Variants in CMTM8 observed in about 807,000 individuals in gnomAD.
CMTM8 encodes the protein CKLF like MARVEL transmembrane domain containing 8.
CMTM8 carries 12 observed loss-of-function variants against 18.6 expected under a neutral mutation model. That is an observed-to-expected ratio of 0.65 (90% CI 0.41 to 1.05). CMTM8 has a LOEUF of 1.05. Ranked by LOEUF, CMTM8 falls within the 50% of genes least tolerant of loss-of-function variation. The pLI, the probability that CMTM8 is intolerant of heterozygous loss-of-function variation, is 0.00. For missense variants in CMTM8, 217 were observed against 227.2 expected (o/e 0.95, Z 0.29); for synonymous variants, 87 against 90.6 (o/e 0.96, Z 0.23).
intron 1 of CMTM8, among the ~76,000 whole-genome samples, chr3:32,315,447 G>A (rs1695908491): frequency 6.6e-6 from 1 of 152,150 alleles, no homozygotes; most frequent in South Asian, 2.1e-4. Flanking sequence ...CAAAGACTTT[G>A]CAGTTCAAGG....
intron 1 of CMTM8, among the ~76,000 whole-genome samples, chr3:32,253,267 A>G (rs1235319322): frequency 6.6e-6 from 1 of 151,164 alleles, no homozygotes; most frequent in Non-Finnish European, 1.5e-5. Context: ...TTCCTTTGCT[A>G]TATTCCATTT....
chr3:32,255,966 A>G (rs1053816102), intron 1 of CMTM8, among the ~76,000 whole-genome samples: 5 of 152,152 alleles, frequency 3.3e-5, no homozygotes, highest in Non-Finnish European at 7.4e-5. Context: ...CGGCTCAAGC[A>G]ATACGCCTGC....
intron 1 of CMTM8, among the ~76,000 whole-genome samples, chr3:32,327,317 ATCC>A (rs1212108322): frequency 6.6e-6 from 1 of 152,238 alleles, no homozygotes; most frequent in African/African-American, 2.4e-5. Context: ...TTAGAAAAAA[ATCC>A]CTTAAAATGT....
intron 1 of CMTM8, among the ~76,000 whole-genome samples, chr3:32,327,803 T>C (rs1696191768): frequency 6.6e-6 from 1 of 152,362 alleles, no homozygotes; most frequent in South Asian, 2.1e-4. Flanking sequence ...ACCTTCTCCA[T>C]GCAGATTCTT....
At chr3:32,288,128 G>A (rs1702716393) in intron 1 of CMTM8, among the ~76,000 whole-genome samples, 1 of 152,146 alleles carries the variant, frequency 6.6e-6, no homozygotes, top group East Asian at 1.9e-4. Flanking sequence ...GGCCTGACTT[G>A]CAATCCATGG....
chr3:32,319,061 T>TAC (rs1695985281), intron 1 of CMTM8, among the ~76,000 whole-genome samples: 1 of 40,532 alleles, frequency 2.5e-5, no homozygotes, highest in African/African-American at 1.2e-4. Context: ...TATATACATA[T>TAC]ATATATATAT....
In CMTM8 at chr3:32,301,908, A is replaced by G. The variant is rs1279887458; in HGVS notation, c.148-55465A>G. On this transcript the variant is annotated intron_variant, in intron 1 of 3. Transcript: ENST00000307526. ...TTTGTTTTTGCATATGTCAAATGAAAAGCTTGAATTCATAGTCATTAATAT... is the reference window on the plus strand; with the variant it reads ...TTTGTTTTTGCATATGTCAAATGAAGAGCTTGAATTCATAGTCATTAATAT... 3.3e-5 allele frequency among the ~76,000 whole-genome samples: 5 copies of G among 152,154 alleles called. No homozygotes were observed. The East Asian group carries it at 9.6e-4, about 29-fold the overall frequency.
At chr3:32,297,395 G>T (rs1189299525) in intron 1 of CMTM8, among the ~76,000 whole-genome samples, 1 of 152,160 alleles carries the variant, frequency 6.6e-6, no homozygotes, top group Non-Finnish European at 1.5e-5. Context: ...AGCCAGGTTG[G>T]TCTCCAACTC....
chr3:32,330,573 C>G (rs1055212820), intron 1 of CMTM8, among the ~76,000 whole-genome samples: 1 of 151,934 alleles, frequency 6.6e-6, no homozygotes, highest in South Asian at 2.1e-4. Flanking sequence ...GACATATAGA[C>G]CAATGGAACA....
At chr3:32,268,714 G>A (rs920717981) in intron 1 of CMTM8, among the ~76,000 whole-genome samples, 1 of 152,150 alleles carries the variant, frequency 6.6e-6, no homozygotes, top group Non-Finnish European at 1.5e-5. Flanking sequence ...TTTGTAGGTA[G>A]AGTGGGAAGA....
intron 1 of CMTM8, among the ~76,000 whole-genome samples, chr3:32,276,917 TCA>T (rs1702530281): frequency 6.6e-6 from 1 of 152,012 alleles, no homozygotes; most frequent in South Asian, 2.1e-4. Flanking sequence ...AGATGGGGTC[TCA>T]CTCTGTCACC....
In CMTM8 at chr3:32,281,369, T is replaced by C. The variant is rs576380887; in HGVS notation, c.147+42250T>C. ...CACATGCATTCTCATCAAGGGGTGG[T>C]GTTGCTTGCAAGGGAGCAAAAACTG... On this transcript the variant is annotated intron_variant, in intron 1 of 3. Transcript: ENST00000307526. Among the ~76,000 whole-genome samples the C allele has an allele frequency of 1.3e-3, 202 of 152,304 alleles. 2 individuals carry two copies. The highest frequency in any genetic ancestry group is 3.3e-3 in the South Asian group (16 of 4,826).
chr3:32,346,232 C>T (rs1450454583), intron 1 of CMTM8, among the ~76,000 whole-genome samples: 1 of 152,176 alleles, frequency 6.6e-6, no homozygotes, highest in African/African-American at 2.4e-5. Flanking sequence ...ACCCAAAAGG[C>T]TTGTGAAAAA....
chr3:32,357,584 A>G (rs1272894980), intron 2 of CMTM8, 38 bp downstream of exon 2: 1 of 1,602,080 alleles, frequency 6.2e-7, no homozygotes, highest in Non-Finnish European at 8.5e-7. Flanking sequence ...TCCAGTGCCC[A>G]CTCGGTAGAT....
chr3:32,315,019 C>T (rs1695893098), intron 1 of CMTM8, among the ~76,000 whole-genome samples: 1 of 152,048 alleles, frequency 6.6e-6, no homozygotes, highest in Non-Finnish European at 1.5e-5. Context: ...TACTTCCTGA[C>T]TTTTGAGTGC....
At chr3:32,263,555 A>G (rs1702288568) in intron 1 of CMTM8, among the ~76,000 whole-genome samples, 1 of 152,220 alleles carries the variant, frequency 6.6e-6, no homozygotes, top group Non-Finnish European at 1.5e-5. Context: ...CTCCTCCTCC[A>G]AAGGAACGCA....
At chr3:32,270,107 A>G (rs1185440209) in intron 1 of CMTM8, among the ~76,000 whole-genome samples, 1 of 151,768 alleles carries the variant, frequency 6.6e-6, no homozygotes, top group African/African-American at 2.4e-5. Context: ...TTTTGTGTGG[A>G]GATAGGGTCT....
intron 1 of CMTM8, among the ~76,000 whole-genome samples, chr3:32,302,366 A>G (rs913741432): frequency 6.6e-6 from 1 of 152,218 alleles, no homozygotes; most frequent in Non-Finnish European, 1.5e-5. Context: ...GTAGCACAGC[A>G]TTGGATAGAA....
intron 1 of CMTM8, among the ~76,000 whole-genome samples, chr3:32,245,057 A>T (rs568930002): frequency 1.3e-5 from 2 of 152,322 alleles, no homozygotes; most frequent in African/African-American, 4.8e-5. Context: ...CTGAATCAGG[A>T]TACTGCTTAT....
Sources: gnomAD v4.1 joint callset for allele counts (sites outside exome capture counted in the v4.1 genomes callset) on GRCh38, gnomAD v4.1.1 for gene constraint, MANE v1.5 for transcripts, NCBI Gene and HGNC (gene_info 2026-07-23, HGNC 2026-07-21) for gene names.